ADAMTS9: variants seen among roughly 807,000 people sequenced by gnomAD.
ADAMTS9 encodes the protein A disintegrin and metalloproteinase with thrombospondin motifs 9.
In ADAMTS9, 107 loss-of-function variants were observed where a neutral mutation model predicts 257.1. That is an observed-to-expected ratio of 0.42 (90% CI 0.36 to 0.49). ADAMTS9 has a LOEUF of 0.49. Ranked by LOEUF, ADAMTS9 falls within the 20% of genes least tolerant of loss-of-function variation. ADAMTS9 has a pLI of 0.03. For missense variants in ADAMTS9, 2,353 were observed against 2,469.1 expected, an observed-to-expected ratio of 0.95 and a Z score of 1.00; for synonymous variants, 982 against 880.9, an observed-to-expected ratio of 1.11 and a Z score of -2.03.
intron 10 of ADAMTS9, among the ~76,000 whole-genome samples, chr3:64,649,060 T>C (rs4605539): frequency 0.79 from 119,922 of 152,034 alleles, 48,344 homozygotes; most frequent in East Asian, 0.92. Context: ...TGCTCATCTG[T>C]AACCGGATAA....
chr3:64,539,789 C>A (rs188661238), intron 36 of ADAMTS9, among the ~76,000 whole-genome samples: 1 of 152,274 alleles, frequency 6.6e-6, no homozygotes, highest in African/African-American at 2.4e-5. Context: ...CAAAATGTGG[C>A]GCAATTAGAA....
intron 3 of ADAMTS9, among the ~76,000 whole-genome samples, chr3:64,659,636 A>G (rs1367169643): frequency 2.0e-5 from 3 of 152,184 alleles, no homozygotes; most frequent in Non-Finnish European, 4.4e-5. Flanking sequence ...GATCATTTCA[A>G]TACTTAAAAT....
chr3:64,614,992 TTAA>T (rs2084734844), intron 21 of ADAMTS9: 1 of 214,432 alleles, frequency 4.7e-6, no homozygotes, highest in African/African-American at 2.3e-5. Flanking sequence ...AGCTTTATGA[TTAA>T]TAAATCCATG....
chr3:64,677,115 G>A (rs887209807), intron 3 of ADAMTS9, among the ~76,000 whole-genome samples: 1 of 152,162 alleles, frequency 6.6e-6, no homozygotes, highest in African/African-American at 2.4e-5. Context: ...ACTCTCCAAA[G>A]GGCTCCCATA....
Position 64,613,436 on chromosome 3 carries a change from T to C in ADAMTS9, c.3263A>G (p.Asp1088Gly), listed in dbSNP as rs1199436350. ...WCQFGEDRLN[D>G]RMCDPETKPT... ...CTTGGTCTCAGGGTCACACATTCTA[T>C]CATTTAATCGATCTTCACCAAACTG... is the stretch of plus-strand genomic sequence containing the variant. Residue 1088 changes from aspartate to glycine, a missense_variant, in exon 22 of 40, where the codon GAT becomes GGT. Coordinates refer to ENST00000498707, the MANE Select transcript of ADAMTS9 (RefSeq NM_182920.2). 3 of 1,613,934 alleles carry C rather than the reference T, an allele frequency of 1.9e-6. No individual in the cohort carries two copies. The African/African-American group carries it at 4.0e-5, about 22-fold the overall frequency.
Position 64,586,577 on chromosome 3 carries a change from C to G in ADAMTS9, c.4356+7681G>C, listed in dbSNP as rs1182496828. ...TTGCCCTAAACGGGGGGAAAACACT[C>G]TATCTGGCCACTGAGGAAGAGAACT... On this transcript the variant is annotated intron_variant, in intron 28 of 39. Coordinates refer to ENST00000498707, the MANE Select transcript of ADAMTS9 (RefSeq NM_182920.2). 2.6e-5 allele frequency: 4 copies of G among 152,218 alleles called. No homozygotes were observed. In the East Asian group the frequency reaches 5.8e-4, roughly 22 times the overall value. 9.4% of individuals were successfully genotyped at this position (152,218 alleles called of 1,614,324 possible).
At chr3:64,595,927 A>G (rs2084356809) in intron 27 of ADAMTS9, among the ~76,000 whole-genome samples, 1 of 152,204 alleles carries the variant, frequency 6.6e-6, no homozygotes, top group African/African-American at 2.4e-5. Flanking sequence ...GAATAGAGAG[A>G]TATATTCTTA....
intron 3 of ADAMTS9, among the ~76,000 whole-genome samples, chr3:64,668,124 TG>T (rs1228009815): frequency 3.3e-5 from 5 of 152,204 alleles, no homozygotes; most frequent in African/African-American, 1.2e-4. Flanking sequence ...GCAGTGCACT[TG>T]CCATGGCTGC....
rs1701941960 is a variant in ADAMTS9 at position 64,687,332 on chromosome 3, G to A, written c.115+211C>T. Reference sequence around the variant, plus strand: ...ATGGGGATATATCTGGCAACAGCAAGGTAGGGGGGGGTTGCCTAAATTCGT... The same window carrying A: ...ATGGGGATATATCTGGCAACAGCAAAGTAGGGGGGGGTTGCCTAAATTCGT... On this transcript the variant is annotated intron_variant, in intron 1 of 39. Coordinates refer to ENST00000498707, the MANE Select transcript of ADAMTS9 (RefSeq NM_182920.2). This position sits in a 1 kb window ranked among gnomAD's most constrained non-coding sequence, Gnocchi z 4.4. 1.3e-5 allele frequency among the ~76,000 whole-genome samples: 2 copies of A among 151,946 alleles called. No individual in the cohort carries two copies. Among genetic ancestry groups the A allele is most frequent in the Non-Finnish European group, 2.9e-5 (2 of 68,036 alleles).
At chr3:64,535,165 G>A (rs1206174432) in intron 37 of ADAMTS9, among the ~76,000 whole-genome samples, 2 of 152,122 alleles carry the variant, frequency 1.3e-5, no homozygotes, top group African/African-American at 4.8e-5. Flanking sequence ...ATCACCTGAG[G>A]CTGAGAGTTC....
rs188902507 is a variant in ADAMTS9, at chr3:64,530,553, C to T, written c.5718+2613G>A. On this transcript the variant is annotated intron_variant, in intron 38 of 39. Transcript: ENST00000498707. ...AAAAAAAAAAAAAAAAAAAAAATGC[C>T]GACAGGCAATTGTCATACCCAGCTC... Among the ~76,000 whole-genome samples, 182 of 150,860 alleles carry T rather than the reference C, an allele frequency of 1.2e-3. 1 individual carries two copies. Among genetic ancestry groups the T allele is most frequent in the African/African-American group, 4.1e-3 (169 of 40,910 alleles).
Position 64,615,427 on chromosome 3 carries a change from C to A in ADAMTS9, c.3083G>T (p.Arg1028Leu), listed in dbSNP as rs772805812. The change falls in exon 21 of 40, where the codon CGA (arginine) becomes CTA (leucine). Residue 1028 changes from arginine (R) to leucine (L), a missense_variant. By Grantham distance (102) the Arg-to-Leu change is moderately radical. Coordinates refer to ENST00000498707, the MANE Select transcript of ADAMTS9 (RefSeq NM_182920.2). ...QRRRAICVNTRNDVLDDSKCT... is the reference protein window; with the variant it reads ...QRRRAICVNTLNDVLDDSKCT... The stretch of plus-strand genomic sequence containing the variant: ...TTTGCTGTCATCCAGTACATCATTT[C>A]GGGTATTGACACAAATAGCCCTTCT... The A allele has an allele frequency of 9.9e-6, 16 of 1,613,846 alleles. No homozygotes were observed. The East Asian group carries it at 3.6e-4, about 36-fold the overall frequency.
At chr3:64,560,733 A>G (rs2083406587) in intron 30 of ADAMTS9, among the ~76,000 whole-genome samples, 1 of 152,208 alleles carries the variant, frequency 6.6e-6, no homozygotes, top group African/African-American at 2.4e-5. Context: ...TCTCCAAACC[A>G]TACCCTTTCT....
chr3:64,528,813 G>A lies in ADAMTS9; in HGVS notation c.5718+4353C>T, dbSNP rs184067346. Among the ~76,000 whole-genome samples, 431 of 152,304 alleles carry A rather than the reference G, an allele frequency of 2.8e-3. 1 individual carries two copies. The highest frequency in any genetic ancestry group is 1.0e-2 in the African/African-American group (414 of 41,560). ...CATTTATGTTTCACAATAAGTCAAT[G>A]AGAAAGGGGCCACTACAGTCCCCAT... On this transcript the variant is annotated intron_variant, in intron 38 of 39. Coordinates refer to ENST00000498707, the MANE Select transcript of ADAMTS9 (RefSeq NM_182920.2).
At chr3:64,572,817 C>T (rs887064970) in intron 28 of ADAMTS9, among the ~76,000 whole-genome samples, 8 of 151,722 alleles carry the variant, frequency 5.3e-5, no homozygotes, top group African/African-American at 1.5e-4. Context: ...CGGTGGCTCA[C>T]GCCTGTAATC....
At position 64,570,478 on chromosome 3, in the gene ADAMTS9, T is replaced by G. The variant is rs2083652057; in HGVS notation, c.4357-1943A>C. Among the ~76,000 whole-genome samples the G allele has an allele frequency of 2.0e-5, 3 of 151,956 alleles. No homozygotes were observed. In the South Asian group the frequency reaches 6.2e-4, roughly 31 times the overall value. On this transcript the variant is annotated intron_variant, in intron 28 of 39. Transcript: ENST00000498707. ...AAGAGTTTCAAGTCAGAGTAAGACA[T>G]GGTCTGATTTTTGTTTCAAAACATT...
chr3:64,589,630 T>C (rs552680091), intron 28 of ADAMTS9: 1 of 152,298 alleles, frequency 6.6e-6, no homozygotes, highest in East Asian at 1.9e-4. Context: ...TCTCACCTTA[T>C]TAAAAATAAA....
chr3:64,589,523 G>C (rs2084220763), intron 28 of ADAMTS9: 1 of 152,218 alleles, frequency 6.6e-6, no homozygotes, highest in South Asian at 2.1e-4. Flanking sequence ...GAGGGTTAAT[G>C]TGATGTGTAT....
chr3:64,537,577 G>A lies in ADAMTS9; in HGVS notation c.5613+1626C>T, dbSNP rs200262865. ...TAGCAATGCTCTTCTAAAGCTTGAG[G>A]CCGAAAAAACGCCTCGTTAAAACAA... On this transcript the variant is annotated intron_variant, in intron 37 of 39. Transcript: ENST00000498707. Among the ~76,000 whole-genome samples, 3 of 152,064 alleles carry A rather than the reference G, an allele frequency of 2.0e-5. No homozygotes were observed. In the East Asian group the frequency reaches 5.8e-4, roughly 29 times the overall value.
Sources: allele counts gnomAD v4.1 joint callset (sites outside exome capture counted in the v4.1 genomes callset), GRCh38; gene constraint gnomAD v4.1.1; non-coding constraint Gnocchi (gnomAD v3.1); transcripts MANE v1.5; gene names NCBI Gene and HGNC (gene_info 2026-07-23, HGNC 2026-07-21).